Variants in COQ3 observed in about 807,000 individuals in gnomAD.
COQ3 encodes coenzyme Q3, methyltransferase.
Under a neutral mutation model 33.1 loss-of-function variants are expected in COQ3, and 29 were observed. The observed-to-expected ratio is 0.88, with a 90% CI of 0.65 to 1.19. The LOEUF (loss-of-function observed/expected upper bound fraction) is 1.19, where lower values mean the gene tolerates loss of function less well. Ranked by LOEUF, COQ3 falls within the 50% of genes most tolerant of loss-of-function variation. The pLI, the probability that COQ3 is intolerant of heterozygous loss-of-function variation, is 0.00. For missense variants in COQ3, 437 were observed against 430.7 expected, an observed-to-expected ratio of 1.01 and a Z score of -0.13; for synonymous variants, 173 against 157.8, an observed-to-expected ratio of 1.10 and a Z score of -0.72.
intron 5 of COQ3, among the ~76,000 whole-genome samples, chr6:99,374,120 A>G (rs1482052560): frequency 7.4e-6 from 1 of 135,110 alleles, no homozygotes; most frequent in Non-Finnish European, 1.6e-5. Context: ...AACTGACATT[A>G]GCAAAAAAAA....
Position 99,369,507 on chromosome 6 carries a change from C to T in COQ3, c.*93G>A. On this transcript the variant is annotated 3_prime_UTR_variant, in exon 7 of 7. Coordinates refer to ENST00000254759, the MANE Select transcript of COQ3 (RefSeq NM_017421.4). Reference sequence around the variant, plus strand: ...TAGCCCTTTTTATTGACCTTCTTTTCTTCATGATTCTCTCTCAAAGGATAA... The same window carrying T: ...TAGCCCTTTTTATTGACCTTCTTTTTTTCATGATTCTCTCTCAAAGGATAA... 6.6e-6 allele frequency: 7 copies of T among 1,057,490 alleles called. No homozygotes were observed. The highest frequency in any genetic ancestry group is 2.4e-5 in the East Asian group (1 of 41,464). 65.5% of individuals were successfully genotyped at this position (1,057,490 alleles called of 1,614,324 possible). A position where few individuals can be genotyped will look rare whatever the true frequency, so the allele number is the denominator to read the frequency against.
At position 99,374,131 on chromosome 6, in the gene COQ3, A is replaced by AT. The variant is rs982909466; in HGVS notation, c.729+1808_729+1809insA. 2.7e-4 allele frequency among the ~76,000 whole-genome samples: 41 copies of AT among 149,328 alleles called. 1 individual carries two copies. Among genetic ancestry groups the AT allele is most frequent in the East Asian group, 1.8e-3 (9 of 4,912 alleles). On this transcript the variant is annotated intron_variant, in intron 5 of 6. Transcript: ENST00000254759. Reference sequence around the variant, plus strand: ...AGCAAACTGACATTAGCAAAAAAAAAAAAAAAAAAAAATTAATAAAATTTA... The same window carrying AT: ...AGCAAACTGACATTAGCAAAAAAAAATAAAAAAAAAAAATTAATAAAATTTA...
chr6:99,371,294 TG>T (rs1774135920), intron 6 of COQ3, 133 bp downstream of exon 6: 1 of 580,284 alleles, frequency 1.7e-6, no homozygotes, highest in South Asian at 2.7e-5. Flanking sequence ...ATGACCTAGT[TG>T]AGAAGATAAA....
chr6:99,377,531 A>G (rs1451163569), intron 3 of COQ3, 46 bp from the exon 4 acceptor site: 1 of 1,392,480 alleles, frequency 7.2e-7, no homozygotes, highest in Non-Finnish European at 1.0e-6. Context: ...AATTAATTTT[A>G]TCAACGAAAA....
At chr6:99,391,860 A>C (rs1774841503) in intron 1 of COQ3, among the ~76,000 whole-genome samples, 1 of 152,106 alleles carries the variant, frequency 6.6e-6, no homozygotes, top group Non-Finnish European at 1.5e-5. Flanking sequence ...TTAGCCATGC[A>C]TTGTGGTGCC....
At chr6:99,382,478 C>G (rs917358982) in intron 2 of COQ3, among the ~76,000 whole-genome samples, 1 of 152,186 alleles carries the variant, frequency 6.6e-6, no homozygotes, top group African/African-American at 2.4e-5. Context: ...TGTCATTCCT[C>G]TTTAATATTA....
At chr6:99,379,122 G>A (rs1242892909) in intron 3 of COQ3, among the ~76,000 whole-genome samples, 1 of 151,656 alleles carries the variant, frequency 6.6e-6, no homozygotes, top group East Asian at 1.9e-4. Context: ...CCATTAACTC[G>A]TCATTTAGCA....
At chr6:99,387,131 T>C (rs9402726) in intron 1 of COQ3, among the ~76,000 whole-genome samples, 77,854 of 152,016 alleles carry the variant, frequency 0.51, 20,372 homozygotes, top group East Asian at 0.79. Context: ...AAGCAGTTAA[T>C]ATAATCGACC....
intron 1 of COQ3, among the ~76,000 whole-genome samples, chr6:99,384,657 G>A (rs1217662018): frequency 6.6e-6 from 1 of 151,926 alleles, no homozygotes. Flanking sequence ...CTTACACAGG[G>A]GCCTGCTTTA....
chr6:99,383,348 T>C (rs1774526431), intron 2 of COQ3, among the ~76,000 whole-genome samples: 1 of 152,250 alleles, frequency 6.6e-6, no homozygotes. Context: ...GTAATATTTA[T>C]GATTTTAAGC....
chr6:99,393,928 G>T, intron 1 of COQ3, 146 bp downstream of exon 1: 1 of 629,560 alleles, frequency 1.6e-6, no homozygotes, highest in Non-Finnish European at 2.8e-6. Flanking sequence ...ACAATGGAGA[G>T]AGATGGGGCC....
intron 5 of COQ3, 105 bp downstream of exon 5, chr6:99,375,835 C>A: frequency 1.6e-6 from 2 of 1,231,498 alleles, no homozygotes; most frequent in Non-Finnish European, 2.3e-6. Context: ...CTCTACTATA[C>A]CTTGCCTGCT....
At chr6:99,384,045 C>T (rs913678030) in intron 1 of COQ3, among the ~76,000 whole-genome samples, 26 of 151,976 alleles carry the variant, frequency 1.7e-4, no homozygotes, top group African/African-American at 6.0e-4. Flanking sequence ...GGACTACAAG[C>T]GCAGGCCACC....
intron 1 of COQ3, among the ~76,000 whole-genome samples, chr6:99,385,976 C>CAAAAAA (rs61403627): frequency 1.0e-5 from 1 of 97,738 alleles, no homozygotes; most frequent in Non-Finnish European, 1.9e-5. Flanking sequence ...GACTCTGTCT[C>CAAAAAA]AAAAAAAAAA....
intron 1 of COQ3, among the ~76,000 whole-genome samples, chr6:99,392,691 T>C (rs1774864958): frequency 6.6e-6 from 1 of 151,834 alleles, no homozygotes; most frequent in South Asian, 2.1e-4. Context: ...AATGGTGTGA[T>C]CTTGGCTTAC....
intron 3 of COQ3, among the ~76,000 whole-genome samples, chr6:99,379,191 C>G (rs1310814698): frequency 1.3e-5 from 2 of 152,020 alleles, no homozygotes; most frequent in East Asian, 1.9e-4. Flanking sequence ...ATGGTTGGAG[C>G]CTTTCAGAAA....
chr6:99,390,523 C>CG (rs1369790028), intron 1 of COQ3, among the ~76,000 whole-genome samples: 1 of 151,918 alleles, frequency 6.6e-6, no homozygotes, highest in Non-Finnish European at 1.5e-5. Flanking sequence ...TTAGTAGAGA[C>CG]GGGTTTCACC....
At position 99,387,305 on chromosome 6, in the gene COQ3, G is replaced by A. The variant is rs114396336; in HGVS notation, c.107-3481C>T. ...CTCTACAGAAAAACTTAAAAAATTA[G>A]CCAGGTATAGTGGTGTGCACCCATG... On this transcript the variant is annotated intron_variant, in intron 1 of 6. Coordinates refer to ENST00000254759, the MANE Select transcript of COQ3 (RefSeq NM_017421.4). Among the ~76,000 whole-genome samples the A allele has an allele frequency of 1.8e-3, 268 of 152,162 alleles. 1 individual carries two copies. Among genetic ancestry groups the A allele is most frequent in the African/African-American group, 6.2e-3 (258 of 41,532 alleles).
rs770173382 is a variant in COQ3 at position 99,376,128 on chromosome 6, T to A, written c.541A>T (p.Ile181Phe). ...VIGIDPVDEN[I>F]KTAQCHKSFD... ...GATTTATGGCATTGTGCTGTTTTAA[T>A]GTTCTCATCCACAGGGTCGATTCCA... Residue 181 changes from isoleucine (I) to phenylalanine (F), a missense_variant, in exon 5 of 7, where the codon ATT becomes TTT. Physicochemically the swap from Ile to Phe is conservative, Grantham distance 21 (BLOSUM62 0). Transcript: ENST00000254759. 6.2e-6 allele frequency: 10 copies of A among 1,614,058 alleles called. No individual in the cohort carries two copies. The highest frequency in any genetic ancestry group is 4.5e-5 in the East Asian group (2 of 44,886).
Sources: allele counts gnomAD v4.1 joint callset (sites outside exome capture counted in the v4.1 genomes callset), GRCh38; gene constraint gnomAD v4.1.1; transcripts MANE v1.5; gene names NCBI Gene and HGNC (gene_info 2026-07-23, HGNC 2026-07-21).